The following XRCC2 variants were observed in gnomAD, a reference collection of about 807,000 sequenced individuals.
XRCC2 encodes the protein X-ray repair cross complementing 2.
In XRCC2, 24 loss-of-function variants were observed where a neutral mutation model predicts 27.3. The ratio of observed to expected loss-of-function variants is 0.88; its 90% confidence interval spans 0.64 to 1.24. The LOEUF (loss-of-function observed/expected upper bound fraction) is 1.24, where lower values mean the gene tolerates loss of function less well. XRCC2 is among the 50% of genes most tolerant of loss of function. XRCC2 has a pLI of 0.00. For synonymous variants in XRCC2, 106 were observed against 115.4 expected (o/e 0.92, Z 0.52); for missense variants, 321 against 325.8 (o/e 0.99, Z 0.11).
At position 152,645,868 on chromosome 7, in the gene XRCC2, G is replaced by A. The variant is rs2098025584; in HGVS notation, c.*2774C>T. The A allele has an allele frequency of 6.6e-6, 1 of 152,114 alleles. No individual in the cohort carries two copies. Among genetic ancestry groups the A allele is most frequent in the Non-Finnish European group, 1.5e-5 (1 of 68,022 alleles). 9.4% of individuals were successfully genotyped at this position (152,114 alleles called of 1,614,324 possible). A position where few individuals can be genotyped will look rare whatever the true frequency, so the allele number is the denominator to read the frequency against. ...GGAGTTCGAGGCTGCAGTGAGTTAT[G>A]ATGCCACTGCACTCCAGCCTGGGCA... On this transcript the variant is annotated 3_prime_UTR_variant, in exon 3 of 3. Coordinates refer to ENST00000359321, the MANE Select transcript of XRCC2 (RefSeq NM_005431.2).
intron 1 of XRCC2, among the ~76,000 whole-genome samples, chr7:152,675,384 C>T (rs2098040455): frequency 6.6e-6 from 1 of 152,126 alleles, no homozygotes; most frequent in South Asian, 2.1e-4. Context: ...CTTACTAGTT[C>T]TTTAATGGCA....
rs527457897 is a variant in XRCC2 at position 152,675,956 on chromosome 7, C to T, written c.39+85G>A. On this transcript the variant is annotated intron_variant, in intron 1 of 2. Transcript: ENST00000359321. ...GGCCAGGCCGCGCCGCCCCAAGCCT[C>T]CCAATCCCCCGGGTTCCCTCGGCTC... 203 of 1,586,358 alleles carry T rather than the reference C, an allele frequency of 1.3e-4. 4 individuals are homozygous for T. The South Asian group carries it at 2.2e-3, about 17-fold the overall frequency.
intron 2 of XRCC2, among the ~76,000 whole-genome samples, chr7:152,660,103 T>C (rs1283957180): frequency 2.0e-5 from 3 of 152,106 alleles, no homozygotes; most frequent in African/African-American, 7.2e-5. Flanking sequence ...GGCAAATCCA[T>C]AGTTAGAAAG....
intron 1 of XRCC2, among the ~76,000 whole-genome samples, chr7:152,664,958 T>C (rs533392017): frequency 6.6e-6 from 1 of 151,410 alleles, no homozygotes; most frequent in South Asian, 2.1e-4. Context: ...TATATGACCT[T>C]TCTCTGGGAG....
At chr7:152,655,770 G>A (rs967347769) in intron 2 of XRCC2, among the ~76,000 whole-genome samples, 2 of 152,096 alleles carry the variant, frequency 1.3e-5, no homozygotes, top group African/African-American at 4.8e-5. Flanking sequence ...CAGCACTTTG[G>A]GAGGCTGACA....
chr7:152,656,876 C>T (rs539722362), intron 2 of XRCC2, among the ~76,000 whole-genome samples: 6 of 152,228 alleles, frequency 3.9e-5, no homozygotes, highest in Admixed American at 3.3e-4. Flanking sequence ...AATGAAAGGA[C>T]ACAGTTCCTG....
chr7:152,649,398 G>GT (rs1341896902), intron 2 of XRCC2, 35 bp from the exon 3 acceptor site: 2 of 1,525,686 alleles, frequency 1.3e-6, no homozygotes, highest in South Asian at 2.7e-5. Flanking sequence ...TCAAAATGCA[G>GT]TAGCTCAAGG....
chr7:152,664,385 T>G (rs2098034708), intron 1 of XRCC2, among the ~76,000 whole-genome samples: 1 of 152,184 alleles, frequency 6.6e-6, no homozygotes, highest in South Asian at 2.1e-4. Flanking sequence ...AGGGTGTTTC[T>G]GGAGGACACG....
chr7:152,653,364 C>T (rs909422442), intron 2 of XRCC2, among the ~76,000 whole-genome samples: 4 of 152,070 alleles, frequency 2.6e-5, no homozygotes, highest in Non-Finnish European at 4.4e-5. Flanking sequence ...TTATCAGCAG[C>T]GTAAAAATGG....
Position 152,648,946 on chromosome 7 carries a change from A to T in XRCC2, c.539T>A (p.Leu180Ter), listed in dbSNP as rs1064793297. 1 of 1,614,214 alleles carries T rather than the reference A, an allele frequency of 6.2e-7. No homozygotes were observed. Among genetic ancestry groups the T allele is most frequent in the Non-Finnish European group, 8.5e-7 (1 of 1,180,044 alleles). Reference protein sequence around the residue: ...ESTLRKCSQCLEKLVNDYRLV... With the variant: ...ESTLRKCSQC ...GCGATAGTCATTTACAAGCTTCTCT[A>T]AGCACTGAGAACATTTCCTCAGAGT... The change falls in exon 3 of 3, where the codon TTA (leucine) becomes TAA (stop). Residue 180 changes from leucine to a stop codon, truncating the protein, a stop_gained. Coordinates refer to ENST00000359321, the MANE Select transcript of XRCC2 (RefSeq NM_005431.2). LOFTEE classifies it high-confidence loss of function.
In XRCC2 at chr7:152,660,747, T is replaced by C; in HGVS notation, c.75A>G (p.Lys25=). ...CAGCAAACAGATTTGGTTCTATTTC[T>C]TTCAAGGAACTTCTACCTTCAAGTC... The part of the protein sequence containing the change: ...LARLEGRSSL[K]EIEPNLFADE... Residue 25 remains lysine, a synonymous_variant, in exon 2 of 3, where the codon AAA becomes AAG. Coordinates refer to ENST00000359321, the MANE Select transcript of XRCC2 (RefSeq NM_005431.2). The C allele has an allele frequency of 6.2e-7, 1 of 1,613,630 alleles. No individual in the cohort carries two copies. The highest frequency in any genetic ancestry group is 8.5e-7 in the Non-Finnish European group (1 of 1,179,914).
chr7:152,659,143 G>GT (rs369420541), intron 2 of XRCC2, among the ~76,000 whole-genome samples: 3,874 of 148,194 alleles, frequency 0.026, 135 homozygotes, highest in African/African-American at 0.086. Flanking sequence ...GCTATTTCCT[G>GT]TTTTTTTTTT....
In XRCC2 at chr7:152,666,040, AAAC is replaced by A. The variant is rs1357962693; in HGVS notation, c.40-5261_40-5259del. The stretch of plus-strand genomic sequence containing the variant: ...TATTAAAAAGATTTGCAAATATGTA[AAAC>A]AACATCATTTTTCTCAGTTTTTTCT... On this transcript the variant is annotated intron_variant, in intron 1 of 2. Coordinates refer to ENST00000359321, the MANE Select transcript of XRCC2 (RefSeq NM_005431.2). Among the ~76,000 whole-genome samples, 37 of 150,866 alleles carry A rather than the reference AAAC, an allele frequency of 2.5e-4. No individual in the cohort carries two copies. The East Asian group carries it at 6.7e-3, about 27-fold the overall frequency.
chr7:152,673,397 T>A (rs2098038935), intron 1 of XRCC2, among the ~76,000 whole-genome samples: 1 of 151,994 alleles, frequency 6.6e-6, no homozygotes, highest in Non-Finnish European at 1.5e-5. Context: ...ACTCCTGACC[T>A]CAGGTGATCT....
At chr7:152,672,184 A>G (rs1471119466) in intron 1 of XRCC2, among the ~76,000 whole-genome samples, 21 of 152,222 alleles carry the variant, frequency 1.4e-4, no homozygotes, top group Admixed American at 1.1e-3. Context: ...TTAAGAGGCA[A>G]GTAATTTGAT....
At chr7:152,651,829 C>G (rs1467731868) in intron 2 of XRCC2, among the ~76,000 whole-genome samples, 2 of 151,692 alleles carry the variant, frequency 1.3e-5, no homozygotes. Context: ...TTTCTTATAG[C>G]ATAGTATGTT....
chr7:152,649,432 G>C (rs1426311638), intron 2 of XRCC2, 69 bp from the exon 3 acceptor site: 1 of 1,491,536 alleles, frequency 6.7e-7, no homozygotes, highest in Non-Finnish European at 8.9e-7. Flanking sequence ...TGCAAAGTCT[G>C]CAAAAAAGTT....
rs543019552 is a variant in XRCC2 at position 152,663,245 on chromosome 7, G to A, written c.40-2463C>T. ...TAGTGGGTACCTGCTGACAGCTAGC[G>A]TAATCAAGGCAGTGGTGTGGAAATG... is the stretch of plus-strand genomic sequence containing the variant. On this transcript the variant is annotated intron_variant, in intron 1 of 2. Transcript: ENST00000359321. Among the ~76,000 whole-genome samples the A allele has an allele frequency of 7.4e-5, 11 of 147,872 alleles. No homozygotes were observed. In the South Asian group the frequency reaches 8.5e-4, roughly 11 times the overall value.
chr7:152,657,449 G>A (rs879560139), intron 2 of XRCC2, among the ~76,000 whole-genome samples: 1 of 151,582 alleles, frequency 6.6e-6, no homozygotes, highest in Non-Finnish European at 1.5e-5. Context: ...ACAGGCACCC[G>A]CCATCATGCC....
Sources: allele counts gnomAD v4.1 joint callset (sites outside exome capture counted in the v4.1 genomes callset), GRCh38; gene constraint gnomAD v4.1.1; transcripts MANE v1.5; gene names NCBI Gene and HGNC (gene_info 2026-07-23, HGNC 2026-07-21).